The following YTHDC2 variants were observed in gnomAD, a reference collection of about 807,000 sequenced individuals.
YTHDC2 encodes YTH N6-methyladenosine RNA binding protein C2.
A neutral mutation model predicts 174.9 loss-of-function variants in YTHDC2; 45 were observed. The ratio of observed to expected loss-of-function variants is 0.26; its 90% CI spans 0.20 to 0.33. The LOEUF is 0.33. Ranked by LOEUF, YTHDC2 falls within the 10% of genes least tolerant of loss-of-function variation. The probability of loss-of-function intolerance (pLI) is 1.00; values close to 1 mark genes in which losing one functional copy is unlikely to be tolerated. For synonymous variants in YTHDC2, 657 were observed against 574.5 expected (o/e 1.14, Z -2.05); for missense variants, 1,650 against 1,723.7 (o/e 0.96, Z 0.76).
chr5:113,592,118 A>T lies in YTHDC2; in HGVS notation c.4152A>T (p.Ala1384=). 6.2e-7 allele frequency: 1 copy of T among 1,613,248 alleles called. No homozygotes were observed. The highest frequency in any genetic ancestry group is 8.5e-7 in the Non-Finnish European group (1 of 1,179,554). Residue 1384 remains alanine (A), a synonymous_variant, in exon 28 of 30, where the codon GCA becomes GCT. Coordinates refer to ENST00000161863, the MANE Select transcript of YTHDC2 (RefSeq NM_022828.5). The part of the protein sequence containing the change: ...IRKESLPFQF[A]HHLLNPWNDN... Reference sequence around the variant, plus strand: ...AAGAAAGCCTTCCCTTTCAATTTGCACACCATTTACTCAATCCATGGAATG... The same window carrying T: ...AAGAAAGCCTTCCCTTTCAATTTGCTCACCATTTACTCAATCCATGGAATG...
chr5:113,568,286 T>C (rs1012892157), intron 23 of YTHDC2, among the ~76,000 whole-genome samples: 1 of 152,222 alleles, frequency 6.6e-6, no homozygotes, highest in Admixed American at 6.5e-5. Context: ...TACAGAGATA[T>C]CAAAAATATT....
chr5:113,561,066 A>ATTT lies in YTHDC2; in HGVS notation c.2217-14_2217-13insTTT. ...TTCGTTGTTTGAGTCCTAATCTTGT[A>ATTT]CTTTATTTTTAAGGGCAGGGCGATG... On this transcript the variant is annotated splice_polypyrimidine_tract_variant and intron_variant, in intron 17 of 29. Transcript: ENST00000161863. 6.3e-7 allele frequency: 1 copy of ATTT among 1,592,464 alleles called. No homozygotes were observed. Among genetic ancestry groups the ATTT allele is most frequent in the Non-Finnish European group, 8.6e-7 (1 of 1,168,470 alleles).
At chr5:113,546,436 C>A (rs6877432) in intron 10 of YTHDC2, among the ~76,000 whole-genome samples, 47,169 of 151,992 alleles carry the variant, frequency 0.31, 9,486 homozygotes, top group African/African-American at 0.56. Flanking sequence ...TCATTCACTT[C>A]TCATCTTTTT....
chr5:113,529,999 T>A (rs1774543846), intron 4 of YTHDC2, among the ~76,000 whole-genome samples: 1 of 152,042 alleles, frequency 6.6e-6, no homozygotes, highest in Non-Finnish European at 1.5e-5. Context: ...TTCACAGAGT[T>A]GATTATAGCT....
At chr5:113,550,152 A>C (rs927306513) in intron 12 of YTHDC2, among the ~76,000 whole-genome samples, 1 of 151,552 alleles carries the variant, frequency 6.6e-6, no homozygotes, top group Admixed American at 6.6e-5. Flanking sequence ...CAGGTACAGC[A>C]CAGGGGATAG....
At chr5:113,520,560 T>C (rs1773795186) in intron 2 of YTHDC2, among the ~76,000 whole-genome samples, 2 of 152,038 alleles carry the variant, frequency 1.3e-5, no homozygotes, top group African/African-American at 4.8e-5. Context: ...TGAGGGCCTT[T>C]GGTTTGGTGC....
intron 3 of YTHDC2, 91 bp from the exon 4 acceptor site, chr5:113,526,495 T>A: frequency 9.9e-7 from 1 of 1,009,658 alleles, no homozygotes; most frequent in Non-Finnish European, 1.4e-6. Flanking sequence ...TTGGCATGTT[T>A]TTCTAGGTTT....
chr5:113,523,896 A>G (rs765252681), intron 2 of YTHDC2, among the ~76,000 whole-genome samples: 10 of 152,150 alleles, frequency 6.6e-5, no homozygotes, highest in Non-Finnish European at 1.2e-4. Flanking sequence ...GATTATTTCT[A>G]TAATAGTGAC....
In YTHDC2 at chr5:113,535,636, C is replaced by T; in HGVS notation, c.946-6C>T. On this transcript the variant is annotated splice_region_variant and splice_polypyrimidine_tract_variant and intron_variant, in intron 6 of 29. Coordinates refer to ENST00000161863, the MANE Select transcript of YTHDC2 (RefSeq NM_022828.5). ...TGTTCCATGGTTTTATTTCTGTTTA[C>T]TATAGGATGAAGTGCATGAAAGGGA... is the stretch of plus-strand genomic sequence containing the variant. 6.2e-7 allele frequency: 1 copy of T among 1,600,524 alleles called. No homozygotes were observed. Among genetic ancestry groups the T allele is most frequent in the Non-Finnish European group, 8.5e-7 (1 of 1,174,858 alleles).
In YTHDC2 at chr5:113,565,930, C is replaced by T. The variant is rs909907842; in HGVS notation, c.2753C>T (p.Ala918Val). The change falls in exon 21 of 30, where the codon GCC (alanine) becomes GTC (valine). Residue 918 changes from alanine (A) to valine (V), a missense_variant. This residue lies in a region of YTHDC2 where 913 missense variants were observed against 940.4 expected (regional missense o/e 0.97). Coordinates refer to ENST00000161863, the MANE Select transcript of YTHDC2 (RefSeq NM_022828.5). ...QKARSDGWER[A>V]FCEKNFLSQA... Reference sequence around the variant, plus strand: ...GCACGAAGTGATGGGTGGGAGCGAGCCTTTTGTGAAAAGAATTTTCTTTCA... The same window carrying T: ...GCACGAAGTGATGGGTGGGAGCGAGTCTTTTGTGAAAAGAATTTTCTTTCA... 1.2e-6 allele frequency: 2 copies of T among 1,613,342 alleles called. No individual in the cohort carries two copies. The highest frequency in any genetic ancestry group is 1.7e-6 in the Non-Finnish European group (2 of 1,179,644).
At chr5:113,561,383 A>C (rs986443173) in intron 18 of YTHDC2, among the ~76,000 whole-genome samples, 198 bp downstream of exon 18, 2 of 134,002 alleles carry the variant, frequency 1.5e-5, no homozygotes, top group Non-Finnish European at 1.5e-5. Flanking sequence ...TCAAAATTTT[A>C]AAGAATCACT....
At chr5:113,541,620 A>C (rs1010995572) in intron 9 of YTHDC2, among the ~76,000 whole-genome samples, 4 of 152,174 alleles carry the variant, frequency 2.6e-5, no homozygotes, top group Non-Finnish European at 1.5e-5. Context: ...AGCATGTGAT[A>C]GTATGTAATG....
intron 1 of YTHDC2, 194 bp downstream of exon 1, chr5:113,514,276 G>T: frequency 1.4e-6 from 1 of 728,754 alleles, no homozygotes; most frequent in African/African-American, 1.7e-5. Context: ...GGAATGCGAG[G>T]TGCTCTGCGG....
intron 23 of YTHDC2, among the ~76,000 whole-genome samples, chr5:113,568,564 C>T (rs1777506778): frequency 6.6e-6 from 1 of 152,132 alleles, no homozygotes; most frequent in Non-Finnish European, 1.5e-5. Context: ...GTGTTGTTCC[C>T]CTGTCTGTGT....
rs1284969443 is a variant in YTHDC2 at position 113,532,881 on chromosome 5, T to G, written c.678T>G (p.Ile226Met). ...GETGSGKTTQ[I>M]PQFLLDDCFK... ...AGTTTTTAAAACTTTTGTTTCAGAT[T>G]CCTCAGTTCCTTTTAGATGATTGCT... Residue 226 changes from isoleucine (I) to methionine (M), a missense_variant and splice_region_variant, in exon 5 of 30, where the codon ATT (isoleucine) becomes ATG (methionine). By Grantham distance (10) the Ile-to-Met change is conservative. Coordinates refer to ENST00000161863, the MANE Select transcript of YTHDC2 (RefSeq NM_022828.5). 6.3e-7 allele frequency: 1 copy of G among 1,597,584 alleles called. No homozygotes were observed. The highest frequency in any genetic ancestry group is 8.5e-7 in the Non-Finnish European group (1 of 1,170,500).
intron 2 of YTHDC2, among the ~76,000 whole-genome samples, chr5:113,521,680 G>A (rs150794416): frequency 0.032 from 4,745 of 150,562 alleles, 104 homozygotes; most frequent in East Asian, 0.09. Flanking sequence ...GCAGTGAGCC[G>A]AGATCGTGCC....
chr5:113,533,464 G>A (rs916105862), intron 5 of YTHDC2, among the ~76,000 whole-genome samples: 1 of 151,598 alleles, frequency 6.6e-6, no homozygotes, highest in Non-Finnish European at 1.5e-5. Context: ...CAGGAGAATC[G>A]TTTGAACCCG....
intron 7 of YTHDC2, among the ~76,000 whole-genome samples, chr5:113,537,926 T>C (rs1204918363): frequency 6.6e-6 from 1 of 152,172 alleles, no homozygotes; most frequent in Middle Eastern, 3.2e-3. Flanking sequence ...ACATCAGATC[T>C]GTACATATGC....
chr5:113,526,791 T>C lies in YTHDC2; in HGVS notation c.675+6T>C. The C allele has an allele frequency of 7.5e-7, 1 of 1,337,122 alleles. No homozygotes were observed. Among genetic ancestry groups the C allele is most frequent in the Non-Finnish European group, 9.6e-7 (1 of 1,037,294 alleles). The allele number at this position is 1,337,122 out of a possible 1,614,324, so 82.8% of individuals were successfully genotyped here. On this transcript the variant is annotated splice_donor_region_variant and intron_variant, in intron 4 of 29. Transcript: ENST00000161863. ...GGTCTGGAAAGACCACACAGGTTTGTTTCTTTTTTGTTGTTTATAGAAAAA... is the reference window on the plus strand; with the variant it reads ...GGTCTGGAAAGACCACACAGGTTTGCTTCTTTTTTGTTGTTTATAGAAAAA...
Sources: allele counts gnomAD v4.1 joint callset (sites outside exome capture counted in the v4.1 genomes callset), GRCh38; gene constraint gnomAD v4.1.1; regional missense constraint gnomAD v4.1.1; transcripts MANE v1.5; gene names NCBI Gene and HGNC (gene_info 2026-07-23, HGNC 2026-07-21).